Variants in MAD1L1 observed in about 807,000 individuals in gnomAD.
MAD1L1 encodes the protein mitotic spindle assembly checkpoint protein MAD1.
MAD1L1 carries 95 observed loss-of-function variants against 96.9 expected under a neutral mutation model. The ratio of observed to expected loss-of-function variants is 0.98; its 90% CI spans 0.83 to 1.16. The LOEUF (loss-of-function observed/expected upper bound fraction) is 1.16. MAD1L1 is among the 50% of genes most tolerant of loss of function. MAD1L1 has a pLI of 0.00. For synonymous variants in MAD1L1, 473 were observed against 396.6 expected (o/e 1.19, Z -2.29); for missense variants, 1,007 against 954.4 (o/e 1.06, Z -0.73).
chr7:1,940,541 A>G (rs1361944625), intron 16 of MAD1L1: 1 of 152,144 alleles, frequency 6.6e-6, no homozygotes, highest in Non-Finnish European at 1.5e-5. Flanking sequence ...TCACCATCCT[A>G]CGGAGCCTCG....
intron 11 of MAD1L1, among the ~76,000 whole-genome samples, chr7:2,087,484 G>A (rs1785979952): frequency 6.6e-6 from 1 of 152,136 alleles, no homozygotes; most frequent in Non-Finnish European, 1.5e-5. Flanking sequence ...AGGTTGCAGT[G>A]AGCCGAGATC....
At chr7:2,000,850 C>T (rs1376498627) in intron 14 of MAD1L1, among the ~76,000 whole-genome samples, 1 of 152,214 alleles carries the variant, frequency 6.6e-6, no homozygotes, top group Non-Finnish European at 1.5e-5. Flanking sequence ...TCTGCCCAGA[C>T]CCGCGCGGTG....
chr7:2,185,435 G>A (rs1447797836), intron 10 of MAD1L1, among the ~76,000 whole-genome samples: 1 of 151,978 alleles, frequency 6.6e-6, no homozygotes, highest in East Asian at 1.9e-4. Context: ...TGACACAGGT[G>A]GTACATTTTC....
Position 2,174,522 on chromosome 7 carries a change from G to A in MAD1L1, c.987-25284C>T, listed in dbSNP as rs1211867012. Among the ~76,000 whole-genome samples the A allele has an allele frequency of 6.6e-5, 10 of 152,224 alleles. 1 individual carries two copies. The highest frequency in any genetic ancestry group is 3.4e-3 in the Middle Eastern group (1 of 294). On this transcript the variant is annotated intron_variant, in intron 10 of 18. Transcript: ENST00000265854. Reference sequence around the variant, plus strand: ...ATTGTTTCATTATGCTGTCCTCCCCGCCGTTTCTTTGCGGTACTTGTTGAA... The same window carrying A: ...ATTGTTTCATTATGCTGTCCTCCCCACCGTTTCTTTGCGGTACTTGTTGAA...
intron 3 of MAD1L1, among the ~76,000 whole-genome samples, chr7:2,228,712 G>A (rs1183724902): frequency 6.6e-6 from 1 of 150,574 alleles, no homozygotes; most frequent in Non-Finnish European, 1.5e-5. Flanking sequence ...TCCTCATCAA[G>A]AAAGGGCAGT....
intron 15 of MAD1L1, among the ~76,000 whole-genome samples, chr7:1,974,204 G>C (rs1447339185): frequency 6.6e-6 from 1 of 152,228 alleles, no homozygotes; most frequent in African/African-American, 2.4e-5. Flanking sequence ...AGTCACCCAG[G>C]CTGGAGAGGA....
intron 12 of MAD1L1, among the ~76,000 whole-genome samples, chr7:2,024,393 TCAC>T (rs1335163811): frequency 2.6e-5 from 4 of 152,212 alleles, no homozygotes; most frequent in African/African-American, 9.7e-5. Context: ...CAGAGGGCCT[TCAC>T]CACCATGTGA....
chr7:2,032,041 G>T (rs1041475853), intron 12 of MAD1L1, among the ~76,000 whole-genome samples: 1 of 152,196 alleles, frequency 6.6e-6, no homozygotes, highest in Non-Finnish European at 1.5e-5. Context: ...TTTCTCCACC[G>T]ACGGGTAACA....
intron 10 of MAD1L1, among the ~76,000 whole-genome samples, chr7:2,198,856 G>A (rs1409056856): frequency 6.6e-6 from 1 of 152,218 alleles, no homozygotes; most frequent in Non-Finnish European, 1.5e-5. Context: ...CCTGCCCTTT[G>A]AGGCTCAGGA....
At chr7:2,079,967 A>T (rs527795998) in intron 11 of MAD1L1, 1 of 336,496 alleles carries the variant, frequency 3.0e-6, no homozygotes, top group Admixed American at 4.3e-5. Context: ...TCCTGGACAC[A>T]TCTACCGTCT....
Position 1,815,825 on chromosome 7 carries a change from G to A in MAD1L1, c.*245C>T, listed in dbSNP as rs1781763613. 1 of 525,070 alleles carries A rather than the reference G, an allele frequency of 1.9e-6. No homozygotes were observed. Among genetic ancestry groups the A allele is most frequent in the South Asian group, 2.5e-5 (1 of 39,226 alleles). 32.5% of individuals were successfully genotyped at this position (525,070 alleles called of 1,614,324 possible). A position where few individuals can be genotyped will look rare whatever the true frequency, so the allele number is the denominator to read the frequency against. On this transcript the variant is annotated 3_prime_UTR_variant, in exon 19 of 19. Transcript: ENST00000265854. ...GGGAGAAGATTTTATTTCACAAGGT[G>A]AGGAACCCAGGCTGGTGGCCGACGC... is the stretch of plus-strand genomic sequence containing the variant.
intron 18 of MAD1L1, chr7:1,847,056 C>T (rs1411274575): frequency 8.7e-6 from 3 of 343,468 alleles, no homozygotes; most frequent in Non-Finnish European, 1.7e-5. Context: ...TGCTCCTTGG[C>T]CCCAAGAATG....
At chr7:1,989,511 G>A (rs143321169) in intron 14 of MAD1L1, among the ~76,000 whole-genome samples, 25 of 152,372 alleles carry the variant, frequency 1.6e-4, no homozygotes, top group African/African-American at 5.5e-4. Context: ...GGCGGGAGCC[G>A]CCTCACCCTG....
chr7:2,102,203 C>T (rs1187304417), intron 11 of MAD1L1, among the ~76,000 whole-genome samples: 1 of 151,556 alleles, frequency 6.6e-6, no homozygotes, highest in Non-Finnish European at 1.5e-5. Flanking sequence ...TCACCACCGT[C>T]ACCGTCACCA....
At chr7:1,909,871 T>G (rs34967784) in intron 17 of MAD1L1, among the ~76,000 whole-genome samples, 66,556 of 151,976 alleles carry the variant, frequency 0.44, 14,790 homozygotes, top group Admixed American at 0.55. Context: ...CACACTCTGC[T>G]CCAGTGAGAA....
chr7:2,165,672 A>T (rs957954042), intron 10 of MAD1L1, among the ~76,000 whole-genome samples: 3 of 103,848 alleles, frequency 2.9e-5, no homozygotes, highest in Non-Finnish European at 6.3e-5. Flanking sequence ...CACGCGTCTC[A>T]GCTCAACAGA....
chr7:1,940,974 C>CCCTCCTCTTCCTCTCCCAGGCCTCCG (rs1778950270), intron 16 of MAD1L1, among the ~76,000 whole-genome samples: 1 of 114,150 alleles, frequency 8.8e-6, no homozygotes, highest in Non-Finnish European at 1.9e-5. Flanking sequence ...GCAGGCCTCA[C>CCCTCCTCTTCCTCTCCCAGGCCTCCG]CCTCCTCTTC....
chr7:2,167,300 C>A (rs1052466785), intron 10 of MAD1L1, among the ~76,000 whole-genome samples: 1 of 152,178 alleles, frequency 6.6e-6, no homozygotes, highest in Non-Finnish European at 1.5e-5. Flanking sequence ...GTAATCCCAG[C>A]ACTTTGGGAG....
In MAD1L1 at chr7:1,912,358, A is replaced by T. The variant is rs546209921; in HGVS notation, c.1808-13968T>A. ...TGAGCTGAGAAACTCTGGTAAAAGG[A>T]AGCAGTTGGGGTCAGAGGTGACTCC... On this transcript the variant is annotated intron_variant, in intron 17 of 18. Transcript: ENST00000265854. Among the ~76,000 whole-genome samples, 23 of 152,320 alleles carry T rather than the reference A, an allele frequency of 1.5e-4. 1 individual carries two copies. In the South Asian group the frequency reaches 4.4e-3, roughly 29 times the overall value.
Sources: allele counts gnomAD v4.1 joint callset (sites outside exome capture counted in the v4.1 genomes callset), GRCh38; gene constraint gnomAD v4.1.1; transcripts MANE v1.5; gene names NCBI Gene and HGNC (gene_info 2026-07-23, HGNC 2026-07-21).